Variants in SLC29A4 observed in about 807,000 individuals in gnomAD.
SLC29A4 encodes the protein solute carrier family 29 member 4, also known as equilibrative nucleoside transporter 4.
A neutral mutation model predicts 43.9 loss-of-function variants in SLC29A4; 36 were observed. The observed-to-expected ratio is 0.82, with a 90% CI of 0.63 to 1.08. The LOEUF is 1.08. SLC29A4 is among the 50% of genes least tolerant of loss of function. The pLI is 0.00. For missense variants in SLC29A4, 869 were observed against 755.3 expected (o/e 1.15, Z -1.77); for synonymous variants, 491 against 338.0 (o/e 1.45, Z -4.97).
chr7:5,299,228 G>A lies in SLC29A4; in HGVS notation c.1022-12G>A, dbSNP rs184121021. 543 of 1,606,324 alleles carry A rather than the reference G, an allele frequency of 3.4e-4. No homozygotes were observed. The African/African-American group carries it at 5.1e-3, about 15-fold the overall frequency. ...TGGGCGCTGCCTCTGACCCCCGCCCGCCACCCTCCAGCCCTGTTACTGCAC... is the reference window on the plus strand; with the variant it reads ...TGGGCGCTGCCTCTGACCCCCGCCCACCACCCTCCAGCCCTGTTACTGCAC... On this transcript the variant is annotated splice_polypyrimidine_tract_variant and intron_variant, in intron 8 of 10. Transcript: ENST00000396872.
Position 5,297,171 on chromosome 7 carries a change from C to T in SLC29A4, c.855C>T (p.His285=), listed in dbSNP as rs764682838. 2.5e-6 allele frequency: 4 copies of T among 1,595,084 alleles called. No individual in the cohort carries two copies. Among genetic ancestry groups the T allele is most frequent in the Admixed American group, 1.7e-5 (1 of 58,320 alleles). ...LGRGYGYRVH[H]DVVAGDVHFE... ...GGGGCTATGGCTACCGCGTGCACCA[C>T]GACGTTGTCGCCGGGGACGTCCACT... Residue 285 remains histidine (H), a synonymous_variant, in exon 7 of 11, where the codon CAC becomes CAT. Transcript: ENST00000396872.
chr7:5,300,403 C>T lies in SLC29A4; in HGVS notation c.1210-19C>T. The T allele has an allele frequency of 1.2e-6, 2 of 1,610,714 alleles. No homozygotes were observed. The highest frequency in any genetic ancestry group is 1.7e-6 in the Non-Finnish European group (2 of 1,179,624). ...GGCTGTGGCCGGGACAGGGCGCCCA[C>T]TTGCCTGGCTCTCTGCAGATCCTGG... On this transcript the variant is annotated intron_variant, in intron 9 of 10. Coordinates refer to ENST00000396872, the MANE Select transcript of SLC29A4 (RefSeq NM_153247.4).
rs779768877 is a variant in SLC29A4 at position 5,299,335 on chromosome 7, G to A, written c.1117G>A (p.Gly373Ser). Residue 373 changes from glycine to serine, a missense_variant, in exon 9 of 11, where the codon GGC (glycine) becomes AGC (serine). Physicochemically the swap from Gly to Ser is moderately conservative, Grantham distance 56 (BLOSUM62 0). Transcript: ENST00000396872. ...TYFITLCLFP[G>S]LESEIRHCIL... ...CTTCATCACGCTGTGCCTGTTCCCC[G>A]GCCTCGAGTCTGAGATCCGCCACTG... is the stretch of plus-strand genomic sequence containing the variant. The A allele has an allele frequency of 4.3e-6, 7 of 1,612,044 alleles. No homozygotes were observed. The highest frequency in any genetic ancestry group is 1.1e-5 in the South Asian group (1 of 91,012).
At chr7:5,284,030 CGA>C (rs1784811135) in intron 1 of SLC29A4, among the ~76,000 whole-genome samples, 1 of 93,834 alleles carries the variant, frequency 1.1e-5, no homozygotes, top group African/African-American at 5.3e-5. Context: ...CTGAGCTGCA[CGA>C]CCCCCCCCCC....
rs182474399 is a variant in SLC29A4, at chr7:5,288,587, C to T, written c.169+602C>T. Among the ~76,000 whole-genome samples, 190 of 152,184 alleles carry T rather than the reference C, an allele frequency of 1.2e-3. 2 individuals carry two copies. Among genetic ancestry groups the T allele is most frequent in the African/African-American group, 4.2e-3 (175 of 41,492 alleles). On this transcript the variant is annotated intron_variant, in intron 2 of 10. Transcript: ENST00000396872. ...GATTACAGGCTTGAGCCACCGCGCC[C>T]GTCCGCTGACCCATAAAGCTTCTAT...
Position 5,303,164 on chromosome 7 carries a change from C to T in SLC29A4, c.*225C>T. 1.6e-6 allele frequency: 1 copy of T among 606,442 alleles called. No individual in the cohort carries two copies. The highest frequency in any genetic ancestry group is 2.8e-5 in the East Asian group (1 of 35,756). 37.6% of individuals were successfully genotyped at this position (606,442 alleles called of 1,614,324 possible). ...CTGCGACCCGGGGCTCTGGCCAGCA[C>T]TGTGTTCTGCGTTTGGTCTCATACC... On this transcript the variant is annotated 3_prime_UTR_variant, in exon 11 of 11. Coordinates refer to ENST00000396872, the MANE Select transcript of SLC29A4 (RefSeq NM_153247.4).
At chr7:5,292,638 C>G (rs1785377123) in intron 5 of SLC29A4, among the ~76,000 whole-genome samples, 1 of 146,636 alleles carries the variant, frequency 6.8e-6, no homozygotes, top group African/African-American at 2.5e-5. Context: ...CCTTTCTTGC[C>G]TAATTACTAA....
Position 5,303,069 on chromosome 7 carries a change from C to T in SLC29A4, c.*130C>T. On this transcript the variant is annotated 3_prime_UTR_variant, in exon 11 of 11. Transcript: ENST00000396872. ...TCCCCCTGTGCCAGCAGCCCCACTC[C>T]CTCAGGGTCCAGCCATGCCCCACCC... 7.1e-6 allele frequency: 8 copies of T among 1,122,712 alleles called. No homozygotes were observed. Among genetic ancestry groups the T allele is most frequent in the South Asian group, 1.5e-5 (1 of 68,704 alleles). 69.5% of individuals were successfully genotyped at this position (1,122,712 alleles called of 1,614,324 possible). A position where few individuals can be genotyped will look rare whatever the true frequency, so the allele number is the denominator to read the frequency against.
At chr7:5,299,464 A>G (rs751451772) in intron 9 of SLC29A4, 37 bp downstream of exon 9, 13 of 1,590,256 alleles carry the variant, frequency 8.2e-6, no homozygotes, top group Non-Finnish European at 1.1e-5. Flanking sequence ...GGGGGACGCC[A>G]TGGGGTGGGG....
chr7:5,288,908 GC>G (rs1785132663), intron 2 of SLC29A4, among the ~76,000 whole-genome samples: 1 of 152,132 alleles, frequency 6.6e-6, no homozygotes, highest in African/African-American at 2.4e-5. Flanking sequence ...CCCACCAGGA[GC>G]CCCTGGTCAA....
intron 6 of SLC29A4, 45 bp from the exon 7 acceptor site, chr7:5,296,891 G>C: frequency 1.4e-6 from 2 of 1,425,310 alleles, no homozygotes; most frequent in Non-Finnish European, 9.4e-7. Context: ...GGCGGTGCAG[G>C]GAGCTGGGCG....
Position 5,302,347 on chromosome 7 carries a change from C to A in SLC29A4, c.1451-450C>A, listed in dbSNP as rs537417019. Among the ~76,000 whole-genome samples, 8 of 152,274 alleles carry A rather than the reference C, an allele frequency of 5.3e-5. 1 individual carries two copies. Among genetic ancestry groups the A allele is most frequent in the African/African-American group, 1.7e-4 (7 of 41,560 alleles). On this transcript the variant is annotated intron_variant, in intron 10 of 10. Transcript: ENST00000396872. ...GGTAGGACTATCACTTGGGACCAGCCTGGGCAGTATAGCAAGACGGAGTCT... is the reference window on the plus strand; with the variant it reads ...GGTAGGACTATCACTTGGGACCAGCATGGGCAGTATAGCAAGACGGAGTCT...
rs1309924350 is a variant in SLC29A4 at position 5,305,456 on chromosome 7, C to T, written c.*2517C>T. On this transcript the variant is annotated 3_prime_UTR_variant, in exon 11 of 11. Transcript: ENST00000396872. Reference sequence around the variant, plus strand: ...CTAGGCCCCAGTGCAGAGATGCCGTCCACCCCCATCTAGGTGAGGGCTTGG... The same window carrying T: ...CTAGGCCCCAGTGCAGAGATGCCGTTCACCCCCATCTAGGTGAGGGCTTGG... The T allele has an allele frequency of 6.6e-6, 1 of 152,222 alleles. No homozygotes were observed. Among genetic ancestry groups the T allele is most frequent in the African/African-American group, 2.4e-5 (1 of 41,434 alleles). 9.4% of individuals were successfully genotyped at this position (152,222 alleles called of 1,614,324 possible). A position where few individuals can be genotyped will look rare whatever the true frequency, so the allele number is the denominator to read the frequency against.
chr7:5,294,576 A>G (rs1785522850), intron 5 of SLC29A4, among the ~76,000 whole-genome samples: 1 of 151,940 alleles, frequency 6.6e-6, no homozygotes, highest in Admixed American at 6.6e-5. Flanking sequence ...TGCCCATGGG[A>G]AGAAGAAAGG....
Position 5,291,679 on chromosome 7 carries a change from C to T in SLC29A4, c.416-14C>T. ...TGGCTCCACCACTCCCCTCACTAGCCTCTCCCCCAACAGGCTACCTCTTAG... is the reference window on the plus strand; with the variant it reads ...TGGCTCCACCACTCCCCTCACTAGCTTCTCCCCCAACAGGCTACCTCTTAG... On this transcript the variant is annotated splice_polypyrimidine_tract_variant and intron_variant, in intron 4 of 10. Transcript: ENST00000396872. 6.3e-7 allele frequency: 1 copy of T among 1,592,842 alleles called. No homozygotes were observed. Among genetic ancestry groups the T allele is most frequent in the Non-Finnish European group, 8.6e-7 (1 of 1,169,122 alleles).
chr7:5,296,714 G>C (rs1785691508), intron 6 of SLC29A4, among the ~76,000 whole-genome samples: 2 of 147,032 alleles, frequency 1.4e-5, no homozygotes, highest in Non-Finnish European at 3.0e-5. Context: ...TCTGGTTGCG[G>C]GAGTGGGGTG....
At chr7:5,299,560 C>A (rs770187644) in intron 9 of SLC29A4, 133 bp downstream of exon 9, 24 of 1,009,882 alleles carry the variant, frequency 2.4e-5, no homozygotes, top group Non-Finnish European at 3.3e-5. Flanking sequence ...AAGAGCTGTG[C>A]AGTGGCGCCA....
In SLC29A4 at chr7:5,283,036, G is replaced by A. The variant is rs1049997132; in HGVS notation, c.-55G>A. 1 of 146,340 alleles carries A rather than the reference G, an allele frequency of 6.8e-6. No homozygotes were observed. The highest frequency in any genetic ancestry group is 2.5e-5 in the African/African-American group (1 of 40,530). 9.1% of individuals were successfully genotyped at this position (146,340 alleles called of 1,614,324 possible). A position where few individuals can be genotyped will look rare whatever the true frequency, so the allele number is the denominator to read the frequency against. The stretch of plus-strand genomic sequence containing the variant: ...GCCCGGCCCGAGGCTGGGGGAGCGG[G>A]GCGGCGTGGCGGGCGCGCCGAGGAC... On this transcript the variant is annotated 5_prime_UTR_variant, in exon 1 of 11. Transcript: ENST00000396872.
chr7:5,284,284 G>C (rs1218497910), intron 1 of SLC29A4, among the ~76,000 whole-genome samples: 1 of 151,950 alleles, frequency 6.6e-6, no homozygotes, highest in Non-Finnish European at 1.5e-5. Context: ...CTTGCCCATA[G>C]CAGTGTTAAG....
Sources: allele counts gnomAD v4.1 joint callset (sites outside exome capture counted in the v4.1 genomes callset), GRCh38; gene constraint gnomAD v4.1.1; transcripts MANE v1.5; gene names NCBI Gene and HGNC (gene_info 2026-07-23, HGNC 2026-07-21).